The following HS3ST3A1 variants were observed in gnomAD, a reference collection of about 807,000 sequenced individuals.
HS3ST3A1 encodes the protein heparan sulfate-glucosamine 3-sulfotransferase 3A1, also known as heparan sulfate glucosamine 3-O-sulfotransferase 3A1.
HS3ST3A1 carries 19 observed loss-of-function variants against 25.7 expected under a neutral mutation model. The ratio of observed to expected loss-of-function variants is 0.74; its 90% confidence interval spans 0.52 to 1.08. The LOEUF (loss-of-function observed/expected upper bound fraction) is 1.08. HS3ST3A1 is among the 50% of genes least tolerant of loss of function. The pLI is 0.00. For synonymous variants in HS3ST3A1, 226 were observed against 278.6 expected, an observed-to-expected ratio of 0.81 and a Z score of 1.88; for missense variants, 459 against 594.3, an observed-to-expected ratio of 0.77 and a Z score of 2.37.
intron 1 of HS3ST3A1, among the ~76,000 whole-genome samples, chr17:13,571,978 C>G (rs186813235): frequency 6.6e-6 from 1 of 152,094 alleles, no homozygotes; most frequent in African/African-American, 2.4e-5. Context: ...CAGTTGGTCT[C>G]GAACTCCTGA....
intron 1 of HS3ST3A1, among the ~76,000 whole-genome samples, chr17:13,577,197 T>C (rs560259828): frequency 2.0e-5 from 3 of 152,284 alleles, no homozygotes; most frequent in Non-Finnish European, 4.4e-5. Flanking sequence ...CCATGACACA[T>C]GGAAATTATG....
intron 1 of HS3ST3A1, among the ~76,000 whole-genome samples, chr17:13,552,077 A>T (rs926463384): frequency 6.6e-6 from 1 of 151,700 alleles, no homozygotes; most frequent in African/African-American, 2.4e-5. Flanking sequence ...TGAACACTTT[A>T]TTTTTTTATT....
At chr17:13,511,544 G>A (rs1248743567) in intron 1 of HS3ST3A1, among the ~76,000 whole-genome samples, 1 of 151,684 alleles carries the variant, frequency 6.6e-6, no homozygotes, top group Non-Finnish European at 1.5e-5. Flanking sequence ...CCAGTTCACG[G>A]TCCTGAAGAT....
intron 1 of HS3ST3A1, among the ~76,000 whole-genome samples, chr17:13,558,685 G>C (rs1907444806): frequency 6.6e-6 from 1 of 152,082 alleles, no homozygotes; most frequent in South Asian, 2.1e-4. Flanking sequence ...ATCAAATCTG[G>C]CATGTGAGAA....
chr17:13,534,243 T>C (rs1323399348), intron 1 of HS3ST3A1, among the ~76,000 whole-genome samples: 1 of 152,110 alleles, frequency 6.6e-6, no homozygotes, highest in African/African-American at 2.4e-5. Context: ...AGATACATAT[T>C]TAAGATGCTT....
chr17:13,562,761 AC>A (rs1484912936), intron 1 of HS3ST3A1, among the ~76,000 whole-genome samples: 5 of 152,076 alleles, frequency 3.3e-5, no homozygotes, highest in Admixed American at 6.6e-5. Flanking sequence ...ATATCAAGGC[AC>A]CCAGCTGAGC....
intron 1 of HS3ST3A1, among the ~76,000 whole-genome samples, chr17:13,513,631 T>C (rs746862253): frequency 1.3e-5 from 2 of 152,228 alleles, no homozygotes; most frequent in Non-Finnish European, 2.9e-5. Context: ...CCTTTTGCAC[T>C]CTGGAATAAA....
At chr17:13,503,427 A>G (rs1328797180) in intron 1 of HS3ST3A1, among the ~76,000 whole-genome samples, 2 of 152,236 alleles carry the variant, frequency 1.3e-5, no homozygotes, top group East Asian at 3.9e-4. Flanking sequence ...AGAAGAGAAG[A>G]TTTTTGAATG....
At chr17:13,537,427 T>C (rs1598418698) in intron 1 of HS3ST3A1, among the ~76,000 whole-genome samples, 1 of 152,196 alleles carries the variant, frequency 6.6e-6, no homozygotes, top group Non-Finnish European at 1.5e-5. Context: ...AGCTCCTCCA[T>C]CTCTCTTCCA....
intron 1 of HS3ST3A1, among the ~76,000 whole-genome samples, chr17:13,572,636 G>A (rs1907847580): frequency 6.6e-6 from 1 of 152,164 alleles, no homozygotes; most frequent in African/African-American, 2.4e-5. Context: ...GCTCCCTAGA[G>A]GAGAGGTCCA....
At chr17:13,600,253 T>C (rs1255255641) in intron 1 of HS3ST3A1, among the ~76,000 whole-genome samples, 2 of 152,162 alleles carry the variant, frequency 1.3e-5, no homozygotes, top group Non-Finnish European at 2.9e-5. Flanking sequence ...ATGAATACTT[T>C]CGCAGAGCAG....
At chr17:13,516,025 C>T (rs181701095) in intron 1 of HS3ST3A1, among the ~76,000 whole-genome samples, 2 of 152,122 alleles carry the variant, frequency 1.3e-5, no homozygotes, top group African/African-American at 4.8e-5. Flanking sequence ...TTTATATATT[C>T]ACGGGCCTGG....
intron 1 of HS3ST3A1, among the ~76,000 whole-genome samples, chr17:13,593,800 G>A (rs142519812): frequency 1.2e-4 from 19 of 152,238 alleles, no homozygotes; most frequent in African/African-American, 4.3e-4. Flanking sequence ...CATCTTAGGG[G>A]ATATCATAAC....
intron 1 of HS3ST3A1, among the ~76,000 whole-genome samples, chr17:13,567,205 A>T (rs1907696213): frequency 6.6e-6 from 1 of 152,236 alleles, no homozygotes; most frequent in Non-Finnish European, 1.5e-5. Context: ...AAATGGAACA[A>T]CAAAGCCTGG....
At chr17:13,550,254 G>T (rs975083180) in intron 1 of HS3ST3A1, among the ~76,000 whole-genome samples, 2 of 152,136 alleles carry the variant, frequency 1.3e-5, no homozygotes, top group Admixed American at 1.3e-4. Flanking sequence ...ATGACAGAAA[G>T]GTTCACTGGC....
At position 13,600,914 on chromosome 17, in the gene HS3ST3A1, G is replaced by A; in HGVS notation, c.216C>T (p.Ala72=). The change falls in exon 1 of 2, where the codon GCC becomes GCT. Residue 72 remains alanine, a synonymous_variant. Transcript: ENST00000284110. The part of the protein sequence containing the change: ...EAGAPGGGVL[A]GGPRELAVWP... ...ACACCGCCAGCTCCCTCGGGCCTCCGGCCAGGACGCCGCCACCAGGGGCCC... is the reference window on the plus strand; with the variant it reads ...ACACCGCCAGCTCCCTCGGGCCTCCAGCCAGGACGCCGCCACCAGGGGCCC... The A allele has an allele frequency of 6.5e-7, 1 of 1,526,748 alleles. No homozygotes were observed. Among genetic ancestry groups the A allele is most frequent in the Non-Finnish European group, 8.8e-7 (1 of 1,138,326 alleles). 94.6% of individuals were successfully genotyped at this position (1,526,748 alleles called of 1,614,324 possible).
Position 13,551,053 on chromosome 17 carries a change from C to T in HS3ST3A1, c.599+49478G>A, listed in dbSNP as rs1173534401. Among the ~76,000 whole-genome samples the T allele has an allele frequency of 3.2e-3, 334 of 103,710 alleles. 1 individual carries two copies. The highest frequency in any genetic ancestry group is 0.013 in the African/African-American group (321 of 24,248). The allele number at this position is 103,710 out of a possible 152,430, so 68.0% of individuals were successfully genotyped here. A position where few individuals can be genotyped will look rare whatever the true frequency, so the allele number is the denominator to read the frequency against. On this transcript the variant is annotated intron_variant, in intron 1 of 1. Transcript: ENST00000284110. The stretch of plus-strand genomic sequence containing the variant: ...CTGCACTCCAGCCTGGGCGACAGAG[C>T]GAGACTCTGTCTCAAAAAAAAAAAA...
rs541049614 is a variant in HS3ST3A1, at chr17:13,561,966, C to A, written c.599+38565G>T. ...CAGATGAAGCTCTCAGTGGTGTGGG[C>A]TGTCACTGGGCCCAGGAGCTTAGCT... is the stretch of plus-strand genomic sequence containing the variant. On this transcript the variant is annotated intron_variant, in intron 1 of 1. Coordinates refer to ENST00000284110, the MANE Select transcript of HS3ST3A1 (RefSeq NM_006042.3). Among the ~76,000 whole-genome samples, 9 of 152,190 alleles carry A rather than the reference C, an allele frequency of 5.9e-5. No individual in the cohort carries two copies. The South Asian group carries it at 1.9e-3, about 32-fold the overall frequency.
At chr17:13,576,856 T>C (rs1044978698) in intron 1 of HS3ST3A1, among the ~76,000 whole-genome samples, 3 of 152,226 alleles carry the variant, frequency 2.0e-5, no homozygotes, top group African/African-American at 7.2e-5. Flanking sequence ...TGTCTAGCAC[T>C]AGATGGCAGA....
Sources: gnomAD v4.1 joint callset for allele counts (sites outside exome capture counted in the v4.1 genomes callset) on GRCh38, gnomAD v4.1.1 for gene constraint, MANE v1.5 for transcripts, NCBI Gene and HGNC (gene_info 2026-07-23, HGNC 2026-07-21) for gene names.